The following MINDY3 variants were observed in gnomAD, a reference collection of about 807,000 sequenced individuals.
The protein encoded by MINDY3 is ubiquitin carboxyl-terminal hydrolase MINDY-3.
A neutral mutation model predicts 69.2 loss-of-function variants in MINDY3; 38 were observed. The observed-to-expected ratio is 0.55, with a 90% CI of 0.42 to 0.72. MINDY3 has a LOEUF of 0.72. Ranked by LOEUF, MINDY3 falls within the 30% of genes least tolerant of loss-of-function variation. The pLI is 0.00. For synonymous variants in MINDY3, 192 were observed against 180.1 expected (o/e 1.07, Z -0.53); for missense variants, 522 against 519.0 (o/e 1.01, Z -0.06).
Position 15,856,881 on chromosome 10 carries a change from G to T in MINDY3, c.94+3325C>A, listed in dbSNP as rs541383586. On this transcript the variant is annotated intron_variant, in intron 1 of 14. Transcript: ENST00000277632. ...TTACCATCTCCACTACCACTACTCTGGTCCAAGATAGCATCTTTTCTCCCC... is the reference window on the plus strand; with the variant it reads ...TTACCATCTCCACTACCACTACTCTTGTCCAAGATAGCATCTTTTCTCCCC... Among the ~76,000 whole-genome samples, 61 of 152,250 alleles carry T rather than the reference G, an allele frequency of 4.0e-4. 1 individual carries two copies. The highest frequency in any genetic ancestry group is 1.4e-3 in the African/African-American group (60 of 41,540).
At chr10:15,841,939 A>G (rs1564520800) in intron 3 of MINDY3, among the ~76,000 whole-genome samples, 1 of 151,808 alleles carries the variant, frequency 6.6e-6, no homozygotes, top group African/African-American at 2.4e-5. Context: ...GGTTTCCTCT[A>G]CTGAAGAACT....
intron 13 of MINDY3, 62 bp downstream of exon 13, chr10:15,786,499 A>T (rs879191823): frequency 9.8e-7 from 1 of 1,023,550 alleles, no homozygotes; most frequent in South Asian, 1.4e-5. Flanking sequence ...AAAATGCTGC[A>T]AACAATCACA....
At chr10:15,783,645 T>C (rs917712747) in intron 13 of MINDY3, among the ~76,000 whole-genome samples, 1 of 152,166 alleles carries the variant, frequency 6.6e-6, no homozygotes, top group Non-Finnish European at 1.5e-5. Flanking sequence ...CTTTGTATCA[T>C]CTCTTCTATT....
chr10:15,791,252 T>C (rs1837388360), intron 11 of MINDY3, among the ~76,000 whole-genome samples: 1 of 152,028 alleles, frequency 6.6e-6, no homozygotes, highest in Non-Finnish European at 1.5e-5. Context: ...CTTTGACATG[T>C]TAACCATACC....
chr10:15,821,394 CT>C, intron 9 of MINDY3, among the ~76,000 whole-genome samples: 1 of 152,118 alleles, frequency 6.6e-6, no homozygotes, highest in East Asian at 1.9e-4. Flanking sequence ...ATGTCTGTGG[CT>C]TTTTTGAATT....
At chr10:15,842,901 C>T (rs1277329112) in intron 3 of MINDY3, among the ~76,000 whole-genome samples, 1 of 103,442 alleles carries the variant, frequency 9.7e-6, no homozygotes, top group East Asian at 2.9e-4. Context: ...CTAAATAAGA[C>T]TACAAAAAAA....
chr10:15,779,218 G>C lies in MINDY3; in HGVS notation c.1189-77C>G. On this transcript the variant is annotated intron_variant, in intron 14 of 14. Coordinates refer to ENST00000277632, the MANE Select transcript of MINDY3 (RefSeq NM_024948.4). ...TTATGTGGAATGAAAACAATTTTTA[G>C]AGGCTAGCAAATAAGGTATTACATA... The C allele has an allele frequency of 2.2e-6, 3 of 1,336,406 alleles. No homozygotes were observed. The South Asian group carries it at 4.5e-5, about 20-fold the overall frequency. 82.8% of individuals were successfully genotyped at this position (1,336,406 alleles called of 1,614,324 possible). A position where few individuals can be genotyped will look rare whatever the true frequency, so the allele number is the denominator to read the frequency against.
chr10:15,828,659 A>C (rs954952522), intron 8 of MINDY3, among the ~76,000 whole-genome samples: 4 of 152,162 alleles, frequency 2.6e-5, no homozygotes, highest in Admixed American at 2.6e-4. Flanking sequence ...GTATACTTAT[A>C]TAAGGAAAGA....
chr10:15,818,778 A>G (rs1396349069), intron 9 of MINDY3, among the ~76,000 whole-genome samples: 1 of 152,220 alleles, frequency 6.6e-6, no homozygotes, highest in Non-Finnish European at 1.5e-5. Flanking sequence ...GAAATGTACA[A>G]AAGAGGTAAA....
chr10:15,793,743 A>C (rs1837596053), intron 11 of MINDY3, among the ~76,000 whole-genome samples: 1 of 152,098 alleles, frequency 6.6e-6, no homozygotes, highest in South Asian at 2.1e-4. Flanking sequence ...AAGAACAAAA[A>C]CAAGGATGAT....
chr10:15,812,193 G>A (rs1434274482), intron 10 of MINDY3, among the ~76,000 whole-genome samples: 1 of 152,008 alleles, frequency 6.6e-6, no homozygotes, highest in African/African-American at 2.4e-5. Context: ...CACCTGCCTC[G>A]GCCTCCCAAA....
chr10:15,808,416 C>T (rs1042924244), intron 10 of MINDY3, among the ~76,000 whole-genome samples: 4 of 152,132 alleles, frequency 2.6e-5, no homozygotes, highest in East Asian at 1.9e-4. Flanking sequence ...TCCTTAACAC[C>T]GTTTTATTAC....
intron 14 of MINDY3, 49 bp from the exon 15 acceptor site, chr10:15,779,190 T>G (rs942413075): frequency 1.3e-6 from 2 of 1,551,094 alleles, no homozygotes; most frequent in Non-Finnish European, 1.7e-6. Context: ...TCTTAGCAAA[T>G]TCTTATGTGG....
intron 10 of MINDY3, among the ~76,000 whole-genome samples, chr10:15,796,783 G>A (rs1423769176): frequency 6.6e-6 from 1 of 152,010 alleles, no homozygotes; most frequent in Non-Finnish European, 1.5e-5. Flanking sequence ...TCTCTACCAT[G>A]ACTAATTTAT....
rs1246948246 is a variant in MINDY3, at chr10:15,847,850, G to C, written c.174+14C>G. 3 of 1,602,706 alleles carry C rather than the reference G, an allele frequency of 1.9e-6. No homozygotes were observed. The African/African-American group carries it at 4.0e-5, about 21-fold the overall frequency. On this transcript the variant is annotated intron_variant, in intron 2 of 14. Transcript: ENST00000277632. ...AATGTCCCTCTAAGGAGTTGGTAAA[G>C]GAGTCTATGTTACCTGAACAGGTGC...
At chr10:15,785,279 T>G (rs1039308110) in intron 13 of MINDY3, among the ~76,000 whole-genome samples, 1 of 151,998 alleles carries the variant, frequency 6.6e-6, no homozygotes, top group Non-Finnish European at 1.5e-5. Context: ...CAACAAACAG[T>G]ACAACCAAAT....
chr10:15,859,506 T>C (rs948163251), intron 1 of MINDY3, among the ~76,000 whole-genome samples: 1 of 152,162 alleles, frequency 6.6e-6, no homozygotes, highest in Non-Finnish European at 1.5e-5. Flanking sequence ...ATTCAATAAA[T>C]GCTTATTTTA....
intron 13 of MINDY3, among the ~76,000 whole-genome samples, chr10:15,783,939 A>G (rs1376809207): frequency 6.6e-6 from 1 of 152,210 alleles, no homozygotes; most frequent in Non-Finnish European, 1.5e-5. Flanking sequence ...AAAGTAGTGT[A>G]GCCCACTGGT....
At chr10:15,843,159 A>G in intron 3 of MINDY3, 53 bp downstream of exon 3, 1 of 1,368,040 alleles carries the variant, frequency 7.3e-7, no homozygotes, top group Non-Finnish European at 1.0e-6. Flanking sequence ...ATTTTAGATC[A>G]TCTCTATTAA....
Sources: allele counts gnomAD v4.1 joint callset (sites outside exome capture counted in the v4.1 genomes callset), GRCh38; gene constraint gnomAD v4.1.1; transcripts MANE v1.5; gene names NCBI Gene and HGNC (gene_info 2026-07-23, HGNC 2026-07-21).